Variants in WNT10A observed in about 807,000 individuals in gnomAD.
WNT10A encodes the protein Wnt family member 10A.
WNT10A carries 37 observed loss-of-function variants against 36.1 expected under a neutral mutation model. The observed-to-expected ratio is 1.02, with a 90% CI of 0.79 to 1.35. WNT10A has a LOEUF of 1.35. WNT10A is among the 40% of genes most tolerant of loss of function. WNT10A has a pLI of 0.00. For synonymous variants in WNT10A, 255 were observed against 254.1 expected (o/e 1.00, Z -0.03); for missense variants, 613 against 601.4 (o/e 1.02, Z -0.20).
chr2:218,892,805 A>T lies in WNT10A; in HGVS notation c.788A>T (p.Lys263Met). 12 of 1,597,188 alleles carry T rather than the reference A, an allele frequency of 7.5e-6. No homozygotes were observed. Among genetic ancestry groups the T allele is most frequent in the Non-Finnish European group, 1.0e-5 (12 of 1,173,336 alleles). The change falls in exon 4 of 4, where the codon AAG becomes ATG. Residue 263 changes from lysine (K) to methionine (M), a missense_variant. Lys to Met is a moderately conservative substitution (Grantham distance 95, BLOSUM62 -1). Coordinates refer to ENST00000258411, the MANE Select transcript of WNT10A (RefSeq NM_025216.3). ...AVMENMRRKC[K>M]CHGTSGSCQL... is the part of the protein sequence containing the mutation. ...ATGGAGAACATGCGGCGGAAGTGCA[A>T]GTGCCACGGCACGTCAGGCAGCTGC...
At chr2:218,883,189 G>T (rs1040633305) in intron 2 of WNT10A, among the ~76,000 whole-genome samples, 3 of 152,144 alleles carry the variant, frequency 2.0e-5, no homozygotes, top group African/African-American at 7.2e-5. Flanking sequence ...TCCTGGCCTG[G>T]TATCTCAGGC....
At chr2:218,879,841 C>T (rs530383452), upstream of WNT10A, among the ~76,000 whole-genome samples, 54 of 152,194 alleles carry the variant, frequency 3.5e-4, no homozygotes, top group Non-Finnish European at 7.4e-4. Context: ...TAAACTATCT[C>T]AACGGCCACT....
chr2:218,888,916 T>TTTTA lies in WNT10A; in HGVS notation c.377-1048_377-1045dup, dbSNP rs145817678. Among the ~76,000 whole-genome samples the TTTTA allele has an allele frequency of 7.0e-3, 1,059 of 152,282 alleles. 10 individuals are homozygous for TTTTA. The highest frequency in any genetic ancestry group is 0.022 in the African/African-American group (911 of 41,532). On this transcript the variant is annotated intron_variant, in intron 2 of 3. Coordinates refer to ENST00000258411, the MANE Select transcript of WNT10A (RefSeq NM_025216.3). ...GTACATTTTATTTTATGAAATATCA[T>TTTTA]TTTATTTATTTATTTATTTATTTCA...
At chr2:218,875,159 C>CTTTTTTTTT in the WNT10A span, among the ~76,000 whole-genome samples, 38 of 36,864 alleles carry the variant, frequency 1.0e-3, 14 homozygotes, top group East Asian at 4.0e-3. Context: ...GACTGACTTT[C>CTTTTTTTTT]TTTTTTTTTT....
intron 3 of WNT10A, among the ~76,000 whole-genome samples, chr2:218,891,900 AC>A (rs2106017421): frequency 6.6e-6 from 1 of 152,210 alleles, no homozygotes; most frequent in African/African-American, 2.4e-5. Flanking sequence ...CCAACTTCTT[AC>A]GGGGTTTCTG....
upstream of WNT10A, among the ~76,000 whole-genome samples, chr2:218,878,984 G>A (rs922691269): frequency 6.6e-6 from 1 of 152,238 alleles, no homozygotes; most frequent in African/African-American, 2.4e-5. This position sits in a 1 kb window ranked among gnomAD's most constrained non-coding sequence, Gnocchi z 4.1. Flanking sequence ...GGAGGGCAGG[G>A]GGCAGTTGGG....
At chr2:218,892,740 G>C in intron 3 of WNT10A, 34 bp from the exon 4 acceptor site, 1 of 1,559,252 alleles carries the variant, frequency 6.4e-7, no homozygotes, top group Non-Finnish European at 8.7e-7. Context: ...GGGGCTGCGC[G>C]CCGTGTCACC....
At chr2:218,877,461 G>T (rs1220556826), upstream of WNT10A, among the ~76,000 whole-genome samples, 4 of 152,172 alleles carry the variant, frequency 2.6e-5, no homozygotes, top group African/African-American at 4.8e-5. The surrounding 1 kb of genome is among the most constrained non-coding windows in gnomAD (Gnocchi z 4.1). Context: ...TGCTGCCTGG[G>T]AAGGGGCCGG....
chr2:218,876,395 CT>C (rs1283507939), upstream of WNT10A, among the ~76,000 whole-genome samples: 7 of 152,324 alleles, frequency 4.6e-5, no homozygotes, highest in East Asian at 1.3e-3. Flanking sequence ...TCCAGGACCC[CT>C]GTCCTTCCCC....
At chr2:218,883,531 T>TCCCGCCCCGC (rs1356504343) in intron 2 of WNT10A, among the ~76,000 whole-genome samples, 30 of 41,456 alleles carry the variant, frequency 7.2e-4, no homozygotes, top group Admixed American at 1.3e-3. Context: ...GCCCCAGGCC[T>TCCCGCCCCGC]CCCGCCCCGC....
rs1944683016 is a variant in WNT10A at position 218,893,579 on chromosome 2, G to A, written c.*308G>A. 2.9e-6 allele frequency: 1 copy of A among 341,298 alleles called. No homozygotes were observed. The highest frequency in any genetic ancestry group is 4.7e-5 in the Admixed American group (1 of 21,338). The allele number at this position is 341,298 out of a possible 1,614,324, so 21.1% of individuals were successfully genotyped here. A position where few individuals can be genotyped will look rare whatever the true frequency, so the allele number is the denominator to read the frequency against. On this transcript the variant is annotated 3_prime_UTR_variant, in exon 4 of 4. Coordinates refer to ENST00000258411, the MANE Select transcript of WNT10A (RefSeq NM_025216.3). The surrounding 1 kb of genome is among the most constrained non-coding windows in gnomAD (Gnocchi z 6.3). ...AAAACAAGCCTCAGCCAGGCAACCC[G>A]TCAGTCTGTCTCCATCCTTTCACCC...
chr2:218,882,190 G>A lies in WNT10A; in HGVS notation c.143G>A (p.Arg48His), dbSNP rs375577530. ...RSAPNDILDL[R>H]LPPEPVLNAN... is the part of the protein sequence containing the mutation. ...GCACCCAATGACATTCTGGACCTCC[G>A]CCTCCCCCCGGAGCCCGTGCTCAAT... is the stretch of plus-strand genomic sequence containing the variant. The change falls in exon 2 of 4, where the codon CGC becomes CAC. Residue 48 changes from arginine (R) to histidine (H), a missense_variant. By Grantham distance (29) the Arg-to-His change is conservative. Transcript: ENST00000258411. The A allele has an allele frequency of 6.3e-5, 102 of 1,614,036 alleles. No individual in the cohort carries two copies. In the East Asian group the frequency reaches 7.6e-4, roughly 12 times the overall value.
intron 1 of WNT10A, 131 bp downstream of exon 1, chr2:218,881,239 CCAACCAAAGG>C: frequency 7.3e-7 from 1 of 1,364,228 alleles, no homozygotes. Context: ...GTGCTGGTGC[CCAACCAAAGG>C]CAGTGAGCTC....
chr2:218,890,151 C>G lies in WNT10A; in HGVS notation c.544C>G (p.Leu182Val). The change falls in exon 3 of 4, where the codon CTG becomes GTG. Residue 182 changes from leucine (L) to valine (V), a missense_variant. Transcript: ENST00000258411. ...GCTGCACCGCTTACAACTGGATGCACTGCAGCGTGGTAAGGGCCTGAGCCA... is the reference window on the plus strand; with the variant it reads ...GCTGCACCGCTTACAACTGGATGCAGTGCAGCGTGGTAAGGGCCTGAGCCA... ...RKLHRLQLDA[L>V]QRGKGLSHGV... 6.2e-7 allele frequency: 1 copy of G among 1,614,196 alleles called. No individual in the cohort carries two copies. Among genetic ancestry groups the G allele is most frequent in the Admixed American group, 1.7e-5 (1 of 60,028 alleles).
At chr2:218,881,525 C>G (rs1944515762) in intron 1 of WNT10A, among the ~76,000 whole-genome samples, 1 of 150,326 alleles carries the variant, frequency 6.7e-6, no homozygotes, top group Non-Finnish European at 1.5e-5. Flanking sequence ...CAGTGAGAGA[C>G]TGCAGCTGCA....
At chr2:218,884,493 C>A (rs1355294006) in intron 2 of WNT10A, among the ~76,000 whole-genome samples, 1 of 152,144 alleles carries the variant, frequency 6.6e-6, no homozygotes, top group Non-Finnish European at 1.5e-5. Context: ...CGCTCCCCAG[C>A]TCCCTATCAA....
intron 2 of WNT10A, among the ~76,000 whole-genome samples, chr2:218,888,279 A>T (rs1365005590): frequency 6.6e-6 from 1 of 152,232 alleles, no homozygotes; most frequent in African/African-American, 2.4e-5. Flanking sequence ...TAAGCAAAAG[A>T]TAGCTTGCAT....
At chr2:218,888,721 A>C (rs775952777) in intron 2 of WNT10A, among the ~76,000 whole-genome samples, 5 of 152,134 alleles carry the variant, frequency 3.3e-5, no homozygotes, top group Non-Finnish European at 7.4e-5. Flanking sequence ...TCTGGTCATT[A>C]GGGAGGATCC....
chr2:218,892,288 C>T (rs530628798), intron 3 of WNT10A, among the ~76,000 whole-genome samples: 38 of 147,500 alleles, frequency 2.6e-4, no homozygotes, highest in Middle Eastern at 3.4e-3. Context: ...ACCGAACACC[C>T]CTCCACCCAC....
Sources: gnomAD v4.1 joint callset for allele counts (sites outside exome capture counted in the v4.1 genomes callset) on GRCh38, gnomAD v4.1.1 for gene constraint, Gnocchi (gnomAD v3.1) non-coding constraint, MANE v1.5 for transcripts, NCBI Gene and HGNC (gene_info 2026-07-23, HGNC 2026-07-21) for gene names.